Variants in AP1G1 observed in about 807,000 individuals in gnomAD.
The protein encoded by AP1G1 is AP-1 complex subunit gamma-1.
A neutral mutation model predicts 108.3 loss-of-function variants in AP1G1; 7 were observed. That is an observed-to-expected ratio of 0.06 (90% CI 0.04 to 0.12). The LOEUF is 0.12. AP1G1 is among the 10% of genes least tolerant of loss of function. The pLI is 1.00. For missense variants in AP1G1, 756 were observed against 1,010.7 expected, an observed-to-expected ratio of 0.75 and a Z score of 3.42; for synonymous variants, 379 against 353.5, an observed-to-expected ratio of 1.07 and a Z score of -0.81.
intron 15 of AP1G1, among the ~76,000 whole-genome samples, chr16:71,749,495 C>T (rs12932432): frequency 6.8e-6 from 1 of 146,198 alleles, no homozygotes; most frequent in Non-Finnish European, 1.5e-5. Flanking sequence ...AAAAAAAAAA[C>T]AAAAAACCTC....
intron 6 of AP1G1, among the ~76,000 whole-genome samples, chr16:71,767,601 T>C (rs888251710): frequency 1.3e-5 from 2 of 152,096 alleles, no homozygotes; most frequent in Non-Finnish European, 2.9e-5. Flanking sequence ...CTGCTCAAAG[T>C]TTCTCAAGTA....
intron 6 of AP1G1, among the ~76,000 whole-genome samples, chr16:71,766,038 A>C (rs2031298399): frequency 6.6e-6 from 1 of 152,208 alleles, no homozygotes; most frequent in Non-Finnish European, 1.5e-5. Flanking sequence ...TAGCTTTAAA[A>C]CATACAACCT....
chr16:71,757,553 G>A (rs1291051909), intron 11 of AP1G1, among the ~76,000 whole-genome samples: 1 of 152,066 alleles, frequency 6.6e-6, no homozygotes, highest in Non-Finnish European at 1.5e-5. Flanking sequence ...GGGTGCTTAT[G>A]TAATTTACAT....
At chr16:71,797,704 C>A (rs1395262946) in intron 1 of AP1G1, among the ~76,000 whole-genome samples, 2 of 152,072 alleles carry the variant, frequency 1.3e-5, no homozygotes, top group Admixed American at 6.6e-5. Flanking sequence ...GAGGCTGAGG[C>A]AGGAGAATCG....
At chr16:71,734,422 C>T (rs112568923) in intron 22 of AP1G1, 187 bp downstream of exon 22, 1 of 543,068 alleles carries the variant, frequency 1.8e-6, no homozygotes, top group Non-Finnish European at 3.3e-6. Flanking sequence ...TAAGATGCCA[C>T]TAAGCCACCT....
chr16:71,807,832 T>C (rs567675556), intron 1 of AP1G1: 1 of 1,289,454 alleles, frequency 7.8e-7, no homozygotes, highest in East Asian at 5.6e-5. Context: ...ATGGACAGAT[T>C]TCCGTGCTCA....
At chr16:71,774,627 A>C in intron 2 of AP1G1, 35 bp from the exon 3 acceptor site, 1 of 1,545,124 alleles carries the variant, frequency 6.5e-7, no homozygotes, top group Non-Finnish European at 8.7e-7. Flanking sequence ...AAGGAAATTA[A>C]AACTTGCTAC....
At chr16:71,784,561 T>TTTG (rs1185573410) in intron 2 of AP1G1, among the ~76,000 whole-genome samples, 2 of 152,138 alleles carry the variant, frequency 1.3e-5, no homozygotes, top group African/African-American at 2.4e-5. Flanking sequence ...AAGATATTTT[T>TTTG]TTGTTGTTGT....
chr16:71,808,694 G>A (rs1003767881), intron 1 of AP1G1, 69 bp downstream of exon 1: 56 of 1,285,990 alleles, frequency 4.4e-5, no homozygotes, highest in Non-Finnish European at 5.6e-5. Flanking sequence ...GGAAGCTTCC[G>A]GTCGAGCGCC....
At chr16:71,797,488 C>G (rs1250230384) in intron 1 of AP1G1, among the ~76,000 whole-genome samples, 1 of 152,014 alleles carries the variant, frequency 6.6e-6, no homozygotes, top group Non-Finnish European at 1.5e-5. Flanking sequence ...CCTAGGATGA[C>G]AAGCAGAAAC....
At chr16:71,740,760 T>C (rs2045609318) in intron 19 of AP1G1, among the ~76,000 whole-genome samples, 1 of 152,170 alleles carries the variant, frequency 6.6e-6, no homozygotes, top group African/African-American at 2.4e-5. Context: ...CAAACACCAA[T>C]GTTAAACACT....
intron 1 of AP1G1, among the ~76,000 whole-genome samples, chr16:71,804,912 GTGGGAGGATCACTTGAACC>G (rs1338020355): frequency 6.6e-6 from 1 of 152,176 alleles, no homozygotes; most frequent in Admixed American, 6.6e-5. Context: ...GGAGGCTGAA[GTGGGAGGATCACTTGAACC>G]TGGGAGGAGG....
chr16:71,746,776 T>G, intron 16 of AP1G1, 84 bp from the exon 17 acceptor site: 1 of 1,026,440 alleles, frequency 9.7e-7, no homozygotes, highest in Non-Finnish European at 1.4e-6. Context: ...AGCCAGAATT[T>G]TCTGGTTAAA....
chr16:71,807,871 T>C, intron 1 of AP1G1: 2 of 1,283,720 alleles, frequency 1.6e-6, no homozygotes, highest in Non-Finnish European at 2.0e-6. Context: ...GAAAAAAAAA[T>C]ACCACACAAG....
At chr16:71,788,347 A>AC (rs1237083468) in intron 2 of AP1G1, among the ~76,000 whole-genome samples, 15 of 152,014 alleles carry the variant, frequency 9.9e-5, no homozygotes, top group African/African-American at 1.9e-4. Flanking sequence ...AATAAAAAAA[A>AC]CCCACTATTT....
At chr16:71,749,649 C>T (rs2030379498) in intron 15 of AP1G1, among the ~76,000 whole-genome samples, 1 of 152,042 alleles carries the variant, frequency 6.6e-6, no homozygotes, top group East Asian at 1.9e-4. Context: ...CACCATCATA[C>T]CTGTCTAATA....
intron 1 of AP1G1, chr16:71,808,083 C>T: frequency 8.5e-7 from 1 of 1,171,176 alleles, no homozygotes; most frequent in Non-Finnish European, 1.1e-6. Flanking sequence ...ACCGAACCGT[C>T]CCGACTCTTT....
intron 1 of AP1G1, chr16:71,808,090 C>T (rs2142297412): frequency 8.6e-7 from 1 of 1,163,064 alleles, no homozygotes; most frequent in African/African-American, 1.6e-5. Context: ...CGTCCCGACT[C>T]TTTCAGGCAA....
intron 1 of AP1G1, among the ~76,000 whole-genome samples, 175 bp from the exon 2 acceptor site, chr16:71,789,657 C>T (rs1307706770): frequency 6.6e-6 from 1 of 152,122 alleles, no homozygotes; most frequent in Non-Finnish European, 1.5e-5. Flanking sequence ...ACATACAGAC[C>T]TCTCAACTCT....
Sources: gnomAD v4.1 joint callset for allele counts (sites outside exome capture counted in the v4.1 genomes callset) on GRCh38, gnomAD v4.1.1 for gene constraint, MANE v1.5 for transcripts, NCBI Gene and HGNC (gene_info 2026-07-23, HGNC 2026-07-21) for gene names.